Variants in RIMBP2 observed in about 807,000 individuals in gnomAD.
RIMBP2 encodes the protein RIMS-binding protein 2.
In RIMBP2, 48 loss-of-function variants were observed where a neutral mutation model predicts 118.6. The ratio of observed to expected loss-of-function variants is 0.40; its 90% CI spans 0.32 to 0.51. The LOEUF (loss-of-function observed/expected upper bound fraction) is 0.51. Among genes scored for constraint, RIMBP2 ranks in the 20% least tolerant of loss-of-function variants. RIMBP2 has a pLI of 0.41. For synonymous variants in RIMBP2, 762 were observed against 742.9 expected, an observed-to-expected ratio of 1.03 and a Z score of -0.42; for missense variants, 1,551 against 1,768.3, an observed-to-expected ratio of 0.88 and a Z score of 2.20.
At chr12:130,471,469 T>C (rs76513639) in intron 5 of RIMBP2, among the ~76,000 whole-genome samples, 4,673 of 152,288 alleles carry the variant, frequency 0.031, 251 homozygotes, top group African/African-American at 0.11. Flanking sequence ...GGCTTTGATG[T>C]TTTGAAGGTC....
chr12:130,702,328 T>C (rs2065890427), intron 1 of RIMBP2, among the ~76,000 whole-genome samples: 1 of 151,896 alleles, frequency 6.6e-6, no homozygotes, highest in Non-Finnish European at 1.5e-5. Context: ...ACCAGCCCGA[T>C]CAATATGGAG....
chr12:130,601,018 C>A (rs61420279), intron 2 of RIMBP2, among the ~76,000 whole-genome samples: 1 of 151,842 alleles, frequency 6.6e-6, no homozygotes, highest in Non-Finnish European at 1.5e-5. Context: ...GCCGAGTACA[C>A]CCTTCATTTC....
At chr12:130,423,268 G>A (rs921620157) in intron 16 of RIMBP2, among the ~76,000 whole-genome samples, 4 of 152,184 alleles carry the variant, frequency 2.6e-5, no homozygotes, top group Admixed American at 6.5e-5. Context: ...AAGGGAGTCC[G>A]GGGATGAGGC....
At chr12:130,713,107 A>G (rs1950036017) in intron 1 of RIMBP2, among the ~76,000 whole-genome samples, 1 of 108,032 alleles carries the variant, frequency 9.3e-6, no homozygotes, top group Non-Finnish European at 1.9e-5. Context: ...AGAGGGAGAG[A>G]AAAGGAGAGA....
At chr12:130,704,418 T>C (rs958505484) in intron 1 of RIMBP2, among the ~76,000 whole-genome samples, 1 of 151,954 alleles carries the variant, frequency 6.6e-6, no homozygotes, top group Non-Finnish European at 1.5e-5. Context: ...CCACTAAAAA[T>C]ACAAAAATTA....
chr12:130,493,762 C>T (rs371794144), intron 4 of RIMBP2, among the ~76,000 whole-genome samples: 1 of 152,226 alleles, frequency 6.6e-6, no homozygotes, highest in Admixed American at 6.5e-5. Context: ...GGAATTCTTA[C>T]ATGCTCCATC....
At chr12:130,437,514 G>A (rs2077621101) in intron 12 of RIMBP2, among the ~76,000 whole-genome samples, 1 of 152,184 alleles carries the variant, frequency 6.6e-6, no homozygotes, top group South Asian at 2.1e-4. Flanking sequence ...CAGTGGTAGA[G>A]GGTTCCGTCA....
At chr12:130,438,335 A>ACGGGG in intron 12 of RIMBP2, 30 bp downstream of exon 12, 2 of 865,014 alleles carry the variant, frequency 2.3e-6, no homozygotes, top group East Asian at 2.8e-5. Flanking sequence ...GGCCTAACAA[A>ACGGGG]CCCTCCCCAC....
At chr12:130,646,762 G>A (rs2062998768) in intron 1 of RIMBP2, among the ~76,000 whole-genome samples, 1 of 152,256 alleles carries the variant, frequency 6.6e-6, no homozygotes, top group South Asian at 2.1e-4. Flanking sequence ...CCGCCTCCAG[G>A]GGCGAATGAT....
rs182126752 is a variant in RIMBP2, at chr12:130,401,119, T to C, written c.3766-1306A>G. ...ATATACTTAAAAATGATTTTATATC[T>C]TTTTTTTTTAAATTGAGACAGAGTC... On this transcript the variant is annotated intron_variant, in intron 21 of 22. Transcript: ENST00000690449. Among the ~76,000 whole-genome samples, 458 of 145,982 alleles carry C rather than the reference T, an allele frequency of 3.1e-3. 2 individuals carry two copies. The highest frequency in any genetic ancestry group is 0.012 in the African/African-American group (434 of 37,114).
At chr12:130,416,546 T>C (rs1242967920) in intron 17 of RIMBP2, among the ~76,000 whole-genome samples, 1 of 152,222 alleles carries the variant, frequency 6.6e-6, no homozygotes, top group Non-Finnish European at 1.5e-5. Flanking sequence ...ACTGGACTCC[T>C]ACCTTTTACC....
At chr12:130,686,196 A>T (rs1594202630) in intron 1 of RIMBP2, among the ~76,000 whole-genome samples, 1 of 152,068 alleles carries the variant, frequency 6.6e-6, no homozygotes, top group Non-Finnish European at 1.5e-5. Context: ...TCCTGCCGCC[A>T]TAGGGATCAG....
At chr12:130,542,245 C>T (rs1226275160) in intron 2 of RIMBP2, among the ~76,000 whole-genome samples, 1 of 148,038 alleles carries the variant, frequency 6.8e-6, no homozygotes, top group African/African-American at 2.4e-5. Context: ...TGCAAAGGCC[C>T]CAAGGAAAGC....
chr12:130,678,358 G>A (rs1190132129), intron 1 of RIMBP2, among the ~76,000 whole-genome samples: 3 of 152,238 alleles, frequency 2.0e-5, no homozygotes, highest in Non-Finnish European at 2.9e-5. Flanking sequence ...ATCCGTCAGC[G>A]GATAGGTGGA....
Position 130,451,282 on chromosome 12 carries a change from C to T in RIMBP2, c.417G>A (p.Pro139=), listed in dbSNP as rs139113247. The T allele has an allele frequency of 3.1e-3, 4,998 of 1,614,150 alleles. 17 individuals carry two copies. Among genetic ancestry groups the T allele is most frequent in the Non-Finnish European group, 3.8e-3 (4,476 of 1,180,016 alleles). ...GAGGCTCCGGCCTGTCACCAGGCTGCGGAAGGGGCCGGATATATTCACCGA... is the reference window on the plus strand; with the variant it reads ...GAGGCTCCGGCCTGTCACCAGGCTGTGGAAGGGGCCGGATATATTCACCGA... ...SAIGEYIRPL[P]QPGDRPEPLS... Residue 139 remains proline (P), a synonymous_variant, in exon 8 of 23, where the codon CCG becomes CCA. Transcript: ENST00000690449.
intron 8 of RIMBP2, 143 bp downstream of exon 8, chr12:130,451,052 A>C: frequency 1.0e-6 from 1 of 959,790 alleles, no homozygotes; most frequent in Non-Finnish European, 1.6e-6. Flanking sequence ...GGGCAAGGGA[A>C]TTAACAGGGG....
intron 1 of RIMBP2, among the ~76,000 whole-genome samples, chr12:130,664,447 G>A (rs200644879): frequency 8.2e-5 from 10 of 122,506 alleles, no homozygotes; most frequent in Middle Eastern, 4.0e-3. Flanking sequence ...ACGCACACAC[G>A]CACACACATG....
intron 2 of RIMBP2, among the ~76,000 whole-genome samples, chr12:130,563,835 G>A (rs2056997963): frequency 6.6e-6 from 1 of 152,174 alleles, no homozygotes; most frequent in Admixed American, 6.5e-5. Context: ...ATGTAAGTCA[G>A]CTTGCATCAT....
intron 3 of RIMBP2, among the ~76,000 whole-genome samples, chr12:130,507,464 C>CT (rs1267242849): frequency 4.6e-5 from 7 of 152,138 alleles, no homozygotes; most frequent in Admixed American, 3.3e-4. Flanking sequence ...TTCCCACTGT[C>CT]TAAGCATATT....
Sources: allele counts gnomAD v4.1 joint callset (sites outside exome capture counted in the v4.1 genomes callset), GRCh38; gene constraint gnomAD v4.1.1; transcripts MANE v1.5; gene names NCBI Gene and HGNC (gene_info 2026-07-23, HGNC 2026-07-21).